Variants in PRKCQ observed in about 807,000 individuals in gnomAD.
PRKCQ encodes the protein protein kinase C theta.
A neutral mutation model predicts 91.2 loss-of-function variants in PRKCQ; 41 were observed. The observed-to-expected ratio is 0.45, with a 90% CI of 0.35 to 0.58. PRKCQ has a LOEUF of 0.58. Among genes scored for constraint, PRKCQ ranks in the 20% least tolerant of loss-of-function variants. PRKCQ has a pLI of 0.00. For synonymous variants in PRKCQ, 307 were observed against 316.9 expected (o/e 0.97, Z 0.33); for missense variants, 673 against 896.5 (o/e 0.75, Z 3.18).
At chr10:6,434,556 C>G (rs1833603349) in intron 16 of PRKCQ, among the ~76,000 whole-genome samples, 1 of 152,142 alleles carries the variant, frequency 6.6e-6, no homozygotes, top group Non-Finnish European at 1.5e-5. Flanking sequence ...TGGGGCCAGG[C>G]TGGAAGCTCC....
rs772703616 is a variant in PRKCQ at position 6,491,691 on chromosome 10, T to C, written c.782A>G (p.Lys261Arg). 4.3e-6 allele frequency: 7 copies of C among 1,614,172 alleles called. No individual in the cohort carries two copies. The highest frequency in any genetic ancestry group is 5.1e-6 in the Non-Finnish European group (6 of 1,180,002). The change falls in exon 8 of 18, where the codon AAG becomes AGG. Residue 261 changes from lysine to arginine, a missense_variant. Transcript: ENST00000263125. ...TCCCCCACTGGACTCACCATCACAC[T>C]TGAGTCCTTGCCGTGCCAGTCCCCA... ...LLWGLARQGLKCDACGMNVHH... is the reference protein window; with the variant it reads ...LLWGLARQGLRCDACGMNVHH...
the PRKCQ span, among the ~76,000 whole-genome samples, chr10:6,406,787 A>G: frequency 2.0e-5 from 3 of 152,296 alleles, no homozygotes; most frequent in East Asian, 5.8e-4. Flanking sequence ...CCACTGTCAA[A>G]ACCAACAAGG....
chr10:6,515,232 C>T, intron 1 of PRKCQ, 88 bp from the exon 2 acceptor site: 1 of 1,584,772 alleles, frequency 6.3e-7, no homozygotes, highest in Non-Finnish European at 8.5e-7. Flanking sequence ...AGTGCTTTAT[C>T]ATGGACAGCC....
intron 1 of PRKCQ, among the ~76,000 whole-genome samples, chr10:6,543,198 T>A (rs1839832531): frequency 6.6e-6 from 1 of 152,174 alleles, no homozygotes; most frequent in African/African-American, 2.4e-5. Flanking sequence ...TTCTGTGCGC[T>A]CAGTAATTGG....
intron 1 of PRKCQ, among the ~76,000 whole-genome samples, chr10:6,558,231 T>C (rs994400839): frequency 6.6e-6 from 1 of 152,206 alleles, no homozygotes; most frequent in Non-Finnish European, 1.5e-5. Flanking sequence ...GCTAAAGATA[T>C]ATATTAAACA....
chr10:6,493,310 G>A (rs775344784), intron 7 of PRKCQ, among the ~76,000 whole-genome samples: 6 of 152,098 alleles, frequency 3.9e-5, no homozygotes, highest in East Asian at 1.9e-4. Context: ...TTCAAATGTC[G>A]ATTTTTTGTT....
chr10:6,462,219 C>A, intron 14 of PRKCQ, 84 bp downstream of exon 14: 1 of 1,270,354 alleles, frequency 7.9e-7, no homozygotes, highest in Non-Finnish European at 1.1e-6. Flanking sequence ...CATGGGCTGT[C>A]TCACAGCACT....
intron 17 of PRKCQ, among the ~76,000 whole-genome samples, chr10:6,428,944 C>G (rs1401159621): frequency 6.6e-6 from 1 of 152,136 alleles, no homozygotes; most frequent in Non-Finnish European, 1.5e-5. Flanking sequence ...CATTGGTTTT[C>G]ATGGCAAAAA....
At chr10:6,445,850 A>C (rs912123064) in intron 15 of PRKCQ, among the ~76,000 whole-genome samples, 1 of 152,190 alleles carries the variant, frequency 6.6e-6, no homozygotes, top group South Asian at 2.1e-4. Context: ...GACACATGCA[A>C]TTTCCGAGAC....
At chr10:6,410,899 C>T in the PRKCQ span, among the ~76,000 whole-genome samples, 1 of 151,280 alleles carries the variant, frequency 6.6e-6, no homozygotes, top group Non-Finnish European at 1.5e-5. Flanking sequence ...ATCGCTTGAA[C>T]CCGGGAGGTG....
intron 1 of PRKCQ, among the ~76,000 whole-genome samples, chr10:6,552,632 T>A (rs1215250920): frequency 6.6e-6 from 1 of 152,078 alleles, no homozygotes; most frequent in African/African-American, 2.4e-5. Context: ...CCCAGCTAGT[T>A]TCTTTTTTAT....
At chr10:6,445,121 C>CAAA (rs61291267) in intron 15 of PRKCQ, among the ~76,000 whole-genome samples, 3,999 of 104,818 alleles carry the variant, frequency 0.038, 388 homozygotes, top group Non-Finnish European at 0.054. Context: ...AAGACTCTGT[C>CAAA]AAAAAAAAAA....
rs1362240387 is a variant in PRKCQ, at chr10:6,498,548, G to A, written c.390C>T (p.Asp130=). The A allele has an allele frequency of 6.8e-6, 11 of 1,614,044 alleles. No individual in the cohort carries two copies. The highest frequency in any genetic ancestry group is 3.3e-4 in the Middle Eastern group (2 of 6,062). The change falls in exon 5 of 18, where the codon GAC becomes GAT. Residue 130 remains aspartate (D), a synonymous_variant. Transcript: ENST00000263125. Reference sequence around the variant, plus strand: ...AGCCTTCCGTCTCAAATTCATTCATGTCCTTTGTGTCTACAGGAAGAGAGA... The same window carrying A: ...AGCCTTCCGTCTCAAATTCATTCATATCCTTTGTGTCTACAGGAAGAGAGA... ...RYFLEMSDTK[D]MNEFETEGFF...
At chr10:6,459,213 T>A (rs1186893355) in intron 14 of PRKCQ, among the ~76,000 whole-genome samples, 1 of 152,226 alleles carries the variant, frequency 6.6e-6, no homozygotes, top group Admixed American at 6.5e-5. Context: ...GGTGATATAT[T>A]TTTTCCTTTC....
rs2130987587 is a variant in PRKCQ, at chr10:6,576,484, C to T, written c.-10+3727G>A. Among the ~76,000 whole-genome samples, 1 of 152,190 alleles carries T rather than the reference C, an allele frequency of 6.6e-6. No individual in the cohort carries two copies. Among genetic ancestry groups the T allele is most frequent in the African/African-American group, 2.4e-5 (1 of 41,504 alleles). On this transcript the variant is annotated intron_variant, in intron 1 of 17. Transcript: ENST00000263125. This position sits in a 1 kb window ranked among gnomAD's most constrained non-coding sequence, Gnocchi z 4.2. ...TACTGTATTCTGCTTCTGTGAGGTC[C>T]CTAGAGCAGTCAGAATCTTAGAGAC...
chr10:6,444,272 G>A (rs1834122757), intron 15 of PRKCQ, among the ~76,000 whole-genome samples: 1 of 152,072 alleles, frequency 6.6e-6, no homozygotes, highest in Non-Finnish European at 1.5e-5. Flanking sequence ...GGTTTCACAT[G>A]TTGATCAGGC....
rs1588441669 is a variant in PRKCQ at position 6,576,051 on chromosome 10, A to G, written c.-10+4160T>C. On this transcript the variant is annotated intron_variant, in intron 1 of 17. Coordinates refer to ENST00000263125, the MANE Select transcript of PRKCQ (RefSeq NM_006257.5). The surrounding 1 kb of genome is among the most constrained non-coding windows in gnomAD (Gnocchi z 4.2). The stretch of plus-strand genomic sequence containing the variant: ...GAGACTCCATCTCAAAAAACACAAA[A>G]CAAAAGACAGCGTTGCTGAGAATGT... Among the ~76,000 whole-genome samples, 3 of 152,136 alleles carry G rather than the reference A, an allele frequency of 2.0e-5. No homozygotes were observed. The East Asian group carries it at 5.8e-4, about 29-fold the overall frequency.
chr10:6,505,420 CCTTCCTTCCTTT>C (rs750772061), intron 4 of PRKCQ, among the ~76,000 whole-genome samples: 52 of 139,684 alleles, frequency 3.7e-4, no homozygotes, highest in Non-Finnish European at 7.3e-4. Context: ...TTCTTTCTTT[CCTTCCTTCCTTT>C]CTTCCTTCCT....
intron 15 of PRKCQ, among the ~76,000 whole-genome samples, chr10:6,453,301 CA>C (rs1834813100): frequency 6.6e-6 from 1 of 152,070 alleles, no homozygotes; most frequent in Non-Finnish European, 1.5e-5. Context: ...TTTATGCAGC[CA>C]AAAGACACAT....
Sources: gnomAD v4.1 joint callset for allele counts (sites outside exome capture counted in the v4.1 genomes callset) on GRCh38, gnomAD v4.1.1 for gene constraint, Gnocchi (gnomAD v3.1) non-coding constraint, MANE v1.5 for transcripts, NCBI Gene and HGNC (gene_info 2026-07-23, HGNC 2026-07-21) for gene names.